CCDC158: variants seen among roughly 807,000 people sequenced by gnomAD.
CCDC158 encodes the protein coiled-coil domain containing 158.
CCDC158 carries 116 observed loss-of-function variants against 138.6 expected under a neutral mutation model. The ratio of observed to expected loss-of-function variants is 0.84; its 90% CI spans 0.72 to 0.98. The LOEUF is 0.98. Ranked by LOEUF, CCDC158 falls within the 50% of genes least tolerant of loss-of-function variation. CCDC158 has a pLI of 0.00. For synonymous variants in CCDC158, 436 were observed against 442.4 expected, an observed-to-expected ratio of 0.99 and a Z score of 0.18; for missense variants, 1,265 against 1,306.1, an observed-to-expected ratio of 0.97 and a Z score of 0.48.
At chr4:76,335,019 GAA>G in intron 18 of CCDC158, among the ~76,000 whole-genome samples, 1 of 152,182 alleles carries the variant, frequency 6.6e-6, no homozygotes. Context: ...ATATCCAGCT[GAA>G]GATATGAGAG....
At chr4:76,342,004 A>C (rs1047550725) in intron 18 of CCDC158, among the ~76,000 whole-genome samples, 1 of 152,228 alleles carries the variant, frequency 6.6e-6, no homozygotes, top group East Asian at 1.9e-4. Flanking sequence ...AGTACAGTAT[A>C]ATAATTAAGG....
rs143419845 is a variant in CCDC158, at chr4:76,354,192, C to T, written c.2287-911G>A. ...GGCAGTAACCTCTTAAAGCCATAAG[C>T]GCCATCAGGAAGGATAAGCACTGCT... On this transcript the variant is annotated intron_variant, in intron 15 of 24. Transcript: ENST00000682701. Among the ~76,000 whole-genome samples the T allele has an allele frequency of 3.1e-3, 406 of 132,254 alleles. 2 individuals are homozygous for T. Among genetic ancestry groups the T allele is most frequent in the African/African-American group, 0.011 (362 of 34,368 alleles). 86.8% of individuals were successfully genotyped at this position (132,254 alleles called of 152,430 possible).
chr4:76,319,504 ATATATG>A (rs2110069551), intron 24 of CCDC158, among the ~76,000 whole-genome samples: 1 of 112,482 alleles, frequency 8.9e-6, no homozygotes, highest in African/African-American at 3.3e-5. Flanking sequence ...ATATATATAT[ATATATG>A]TCCATGATGA....
chr4:76,325,894 T>A lies in CCDC158; in HGVS notation c.3132A>T (p.Arg1044Ser). Residue 1044 changes from arginine (R) to serine (S), a missense_variant, in exon 23 of 25, where the codon AGA (arginine) becomes AGT (serine). Arg to Ser is a moderately radical substitution (Grantham distance 110). Coordinates refer to ENST00000682701, the MANE Select transcript of CCDC158 (RefSeq NM_001394954.1). ...CAGATGAATGAATAGGTTTGGCAGA[T>A]CTATACTGTGATGTGGAACCTATTG... is the stretch of plus-strand genomic sequence containing the variant. ...EGSIGSTSQY[R>S]SAKPIHSSDS... is the part of the protein sequence containing the mutation. The A allele has an allele frequency of 6.2e-7, 1 of 1,613,558 alleles. No homozygotes were observed. The highest frequency in any genetic ancestry group is 8.5e-7 in the Non-Finnish European group (1 of 1,179,650).
chr4:76,406,205 C>A (rs1728812046), intron 2 of CCDC158, among the ~76,000 whole-genome samples: 1 of 152,126 alleles, frequency 6.6e-6, no homozygotes, highest in African/African-American at 2.4e-5. Context: ...ATCCTAATAC[C>A]AGACTAAGTT....
intron 17 of CCDC158, 103 bp from the exon 18 acceptor site, chr4:76,351,224 T>C (rs555287547): frequency 7.3e-6 from 8 of 1,101,968 alleles, no homozygotes; most frequent in East Asian, 2.5e-5. Flanking sequence ...AAATCCATTA[T>C]TGAGATTTTA....
intron 23 of CCDC158, among the ~76,000 whole-genome samples, chr4:76,325,273 A>T (rs1242787612): frequency 6.6e-6 from 1 of 152,214 alleles, no homozygotes. Context: ...CTCTTACAAA[A>T]GGGAATGATG....
chr4:76,320,431 G>GA (rs1408298253), intron 24 of CCDC158, among the ~76,000 whole-genome samples: 1 of 151,996 alleles, frequency 6.6e-6, no homozygotes, highest in Non-Finnish European at 1.5e-5. Context: ...CACAGAACTG[G>GA]AAAAAACATT....
chr4:76,361,556 T>C (rs1257777035), intron 13 of CCDC158, among the ~76,000 whole-genome samples: 1 of 152,156 alleles, frequency 6.6e-6, no homozygotes, highest in Non-Finnish European at 1.5e-5. Context: ...AGTGAGACTC[T>C]GTCTCAAAAA....
At chr4:76,393,545 G>T (rs1348350768) in intron 4 of CCDC158, among the ~76,000 whole-genome samples, 5 of 151,920 alleles carry the variant, frequency 3.3e-5, no homozygotes, top group African/African-American at 4.8e-5. Context: ...GAAAACATTG[G>T]GGTCAACTTC....
At position 76,369,634 on chromosome 4, in the gene CCDC158, A is replaced by G. The variant is rs775271182; in HGVS notation, c.1150-11T>C. 2 of 1,597,772 alleles carry G rather than the reference A, an allele frequency of 1.3e-6. No individual in the cohort carries two copies. Among genetic ancestry groups the G allele is most frequent in the African/African-American group, 2.8e-5 (2 of 71,726 alleles). On this transcript the variant is annotated splice_polypyrimidine_tract_variant and intron_variant, in intron 10 of 24. Transcript: ENST00000682701. ...TTTGTGTAGATCAGCCTAAAAAAAGAGAGGAATGCTTTTTTCCTCCCTGCT... is the reference window on the plus strand; with the variant it reads ...TTTGTGTAGATCAGCCTAAAAAAAGGGAGGAATGCTTTTTTCCTCCCTGCT...
chr4:76,322,925 G>A (rs918460026), intron 24 of CCDC158, among the ~76,000 whole-genome samples: 1 of 152,052 alleles, frequency 6.6e-6, no homozygotes, highest in Non-Finnish European at 1.5e-5. Context: ...TTGCTTTCTT[G>A]CTATTGACTA....
chr4:76,369,462 G>C lies in CCDC158; in HGVS notation c.1311C>G (p.Ala437=). The stretch of plus-strand genomic sequence containing the variant: ...TCTGGCCCTGACACTCGCTCTTCAA[G>C]GCCTTGAGCAGGGCTTCCAGGCGCT... ...EVQRLEALLK[A]LKSECQGQME... The change falls in exon 11 of 25, where the codon GCC becomes GCG. Residue 437 remains alanine (A), a synonymous_variant. Coordinates refer to ENST00000682701, the MANE Select transcript of CCDC158 (RefSeq NM_001394954.1). 3.1e-6 allele frequency: 5 copies of C among 1,614,184 alleles called. No individual in the cohort carries two copies. The highest frequency in any genetic ancestry group is 4.2e-6 in the Non-Finnish European group (5 of 1,180,032).
At chr4:76,413,427 A>T (rs571766850) in intron 1 of CCDC158, among the ~76,000 whole-genome samples, 51 of 150,806 alleles carry the variant, frequency 3.4e-4, no homozygotes, top group Non-Finnish European at 6.5e-4. Context: ...GTGAGCCGTG[A>T]TCACACCACT....
At chr4:76,350,158 A>G (rs1185301163) in intron 18 of CCDC158, among the ~76,000 whole-genome samples, 1 of 152,254 alleles carries the variant, frequency 6.6e-6, no homozygotes, top group Non-Finnish European at 1.5e-5. Context: ...TTCAGTGTCC[A>G]GAGGGAAACA....
At chr4:76,373,142 C>T (rs1725402449) in intron 9 of CCDC158, among the ~76,000 whole-genome samples, 1 of 152,214 alleles carries the variant, frequency 6.6e-6, no homozygotes, top group Non-Finnish European at 1.5e-5. Flanking sequence ...AGCCACCGCG[C>T]CCGGCCTCTA....
rs376081649 is a variant in CCDC158 at position 76,403,195 on chromosome 4, C to G, written c.13G>C (p.Ala5Pro). Residue 5 changes from alanine (A) to proline (P), a missense_variant, in exon 3 of 25, where the codon GCT becomes CCT. By Grantham distance (27) the Ala-to-Pro change is conservative. Transcript: ENST00000682701. ...AGATCTTCATTATTTGATTCCCAAG[C>G]TTTTGATTCCATATTAAATATTGCT... MESK[A>P]WESNNEDLLS... 1 of 1,601,246 alleles carries G rather than the reference C, an allele frequency of 6.2e-7. No homozygotes were observed. The highest frequency in any genetic ancestry group is 1.3e-5 in the African/African-American group (1 of 74,378).
At chr4:76,382,528 C>G (rs1726362172) in intron 8 of CCDC158, 82 bp downstream of exon 8, 1 of 869,522 alleles carries the variant, frequency 1.2e-6, no homozygotes, top group African/African-American at 1.7e-5. Context: ...TAAGCAAGTT[C>G]TAAAAGATTA....
chr4:76,345,086 A>C, intron 18 of CCDC158: 1 of 1,317,110 alleles, frequency 7.6e-7, no homozygotes, highest in Admixed American at 1.7e-5. Context: ...CAGATCTCAT[A>C]AAAATTGTTG....
Sources: gnomAD v4.1 joint callset for allele counts (sites outside exome capture counted in the v4.1 genomes callset) on GRCh38, gnomAD v4.1.1 for gene constraint, MANE v1.5 for transcripts, NCBI Gene and HGNC (gene_info 2026-07-23, HGNC 2026-07-21) for gene names.